The following ZDHHC14 variants were observed in gnomAD, a reference collection of about 807,000 sequenced individuals.
The protein encoded by ZDHHC14 is palmitoyltransferase ZDHHC14.
A neutral mutation model predicts 47.7 loss-of-function variants in ZDHHC14; 16 were observed. The observed-to-expected ratio is 0.34, with a 90% confidence interval of 0.23 to 0.51. ZDHHC14 has a LOEUF of 0.51. Ranked by LOEUF, ZDHHC14 falls within the 20% of genes least tolerant of loss-of-function variation. The pLI is 0.97. For missense variants in ZDHHC14, 515 were observed against 662.5 expected, an observed-to-expected ratio of 0.78 and a Z score of 2.44; for synonymous variants, 293 against 278.9, an observed-to-expected ratio of 1.05 and a Z score of -0.50.
intron 3 of ZDHHC14, among the ~76,000 whole-genome samples, chr6:157,609,401 G>C (rs1000995553): frequency 6.6e-6 from 1 of 152,208 alleles, no homozygotes; most frequent in Admixed American, 6.5e-5. Context: ...AAGCTGCTTT[G>C]TGTAGGGTGA....
chr6:157,662,418 G>C (rs1778384971), intron 8 of ZDHHC14, among the ~76,000 whole-genome samples: 1 of 152,220 alleles, frequency 6.6e-6, no homozygotes, highest in Admixed American at 6.5e-5. Context: ...CTGACCTCAA[G>C]TAATCCGCTC....
intron 1 of ZDHHC14, chr6:157,529,013 C>G (rs901738621): frequency 6.5e-6 from 1 of 154,138 alleles, no homozygotes; most frequent in Admixed American, 6.5e-5. Flanking sequence ...AGGTTTCTCC[C>G]AATGAGTTCA....
intron 1 of ZDHHC14, among the ~76,000 whole-genome samples, chr6:157,493,320 G>A (rs576876389): frequency 1.1e-4 from 17 of 152,346 alleles, no homozygotes; most frequent in East Asian, 3.9e-4. Flanking sequence ...ACCAGCCACC[G>A]CAAGGGCGAG....
At chr6:157,625,674 C>A (rs1293621638) in intron 3 of ZDHHC14, among the ~76,000 whole-genome samples, 1 of 151,882 alleles carries the variant, frequency 6.6e-6, no homozygotes, top group African/African-American at 2.4e-5. Context: ...TGCTTTCTGA[C>A]TCCCCGGAGG....
At chr6:157,482,032 T>G (rs933893702) in intron 1 of ZDHHC14, among the ~76,000 whole-genome samples, 1 of 152,176 alleles carries the variant, frequency 6.6e-6, no homozygotes, top group Non-Finnish European at 1.5e-5. Flanking sequence ...AACTTTTTTT[T>G]TCATAACTTG....
At chr6:157,454,367 A>C (rs1344920573) in intron 1 of ZDHHC14, among the ~76,000 whole-genome samples, 1 of 152,190 alleles carries the variant, frequency 6.6e-6, no homozygotes, top group Non-Finnish European at 1.5e-5. Context: ...TTATCTCTCT[A>C]CTTTATGTTA....
At chr6:157,651,224 G>A (rs1016735055) in intron 7 of ZDHHC14, among the ~76,000 whole-genome samples, 19 of 152,228 alleles carry the variant, frequency 1.2e-4, no homozygotes, top group African/African-American at 4.3e-4. Context: ...TACCCGCCCC[G>A]AGGCTGGGGA....
At chr6:157,643,658 T>C (rs1368554227) in intron 5 of ZDHHC14, among the ~76,000 whole-genome samples, 1 of 124,236 alleles carries the variant, frequency 8.0e-6, no homozygotes, top group African/African-American at 2.9e-5. Flanking sequence ...CAAATATATA[T>C]ATATATATAT....
In ZDHHC14 at chr6:157,455,003, T is replaced by C. The variant is rs1029017411; in HGVS notation, c.245+72737T>C. Among the ~76,000 whole-genome samples the C allele has an allele frequency of 2.0e-4, 30 of 152,222 alleles. 1 individual carries two copies. Among genetic ancestry groups the C allele is most frequent in the Admixed American group, 1.7e-3 (26 of 15,284 alleles). ...CTGAAAACAGGCCTCAGTTTCAGTG[T>C]CACCATTTTAACACTCTCATTTATC... On this transcript the variant is annotated intron_variant, in intron 1 of 8. Transcript: ENST00000359775.
At chr6:157,604,446 C>T (rs1349517917) in intron 3 of ZDHHC14, among the ~76,000 whole-genome samples, 4 of 152,072 alleles carry the variant, frequency 2.6e-5, no homozygotes, top group Non-Finnish European at 4.4e-5. Context: ...CCCTTGGATA[C>T]GGAGGGATGA....
At chr6:157,491,088 CA>C (rs1306018780) in intron 1 of ZDHHC14, among the ~76,000 whole-genome samples, 60 of 152,196 alleles carry the variant, frequency 3.9e-4, no homozygotes, top group African/African-American at 1.4e-3. Flanking sequence ...TCCCGCACTG[CA>C]CCTCATCCTC....
chr6:157,414,821 CTTTTTT>C (rs71027333), intron 1 of ZDHHC14, among the ~76,000 whole-genome samples: 7 of 111,980 alleles, frequency 6.3e-5, no homozygotes, highest in African/African-American at 2.4e-4. Context: ...AGGTTTGCAG[CTTTTTT>C]TTTTTTTTTT....
At chr6:157,490,134 C>T (rs570474584) in intron 1 of ZDHHC14, among the ~76,000 whole-genome samples, 1 of 151,930 alleles carries the variant, frequency 6.6e-6, no homozygotes, top group African/African-American at 2.4e-5. Flanking sequence ...TGCCATTTAC[C>T]GGAATGGGGA....
intron 4 of ZDHHC14, chr6:157,629,526 G>C (rs1417528932): frequency 1.3e-5 from 2 of 152,144 alleles, no homozygotes; most frequent in Admixed American, 6.5e-5. Flanking sequence ...GGGTTCGTAT[G>C]GGGGTGGGGA....
rs574758673 is a variant in ZDHHC14 at position 157,394,172 on chromosome 6, C to T, written c.245+11906C>T. Among the ~76,000 whole-genome samples, 19 of 152,320 alleles carry T rather than the reference C, an allele frequency of 1.2e-4. No individual in the cohort carries two copies. In the South Asian group the frequency reaches 1.4e-3, roughly 12 times the overall value. ...ACTTCCACCCTTCCCGCCTACCCAC[C>T]GCCATCAGGCTGTACGCCTCCTTTC... On this transcript the variant is annotated intron_variant, in intron 1 of 8. Transcript: ENST00000359775.
Position 157,550,017 on chromosome 6 carries a change from G to A in ZDHHC14, c.406+7272G>A, listed in dbSNP as rs568851009. Among the ~76,000 whole-genome samples the A allele has an allele frequency of 2.0e-5, 3 of 152,344 alleles. No homozygotes were observed. In the South Asian group the frequency reaches 6.2e-4, roughly 32 times the overall value. ...GTCTTGTAGCTCCTGTCTCCTGGTG[G>A]ACGTCCTTCACAGAATTGTCTTCTT... On this transcript the variant is annotated intron_variant, in intron 2 of 8. Coordinates refer to ENST00000359775, the MANE Select transcript of ZDHHC14 (RefSeq NM_024630.3).
chr6:157,467,903 G>A (rs931133571), intron 1 of ZDHHC14, among the ~76,000 whole-genome samples: 14 of 151,962 alleles, frequency 9.2e-5, no homozygotes, highest in East Asian at 1.9e-4. Context: ...TACATATATC[G>A]GTCGATGGAT....
At chr6:157,625,190 C>T (rs937139982) in intron 3 of ZDHHC14, among the ~76,000 whole-genome samples, 1 of 152,084 alleles carries the variant, frequency 6.6e-6, no homozygotes, top group Non-Finnish European at 1.5e-5. Flanking sequence ...CAGACCATAG[C>T]AGATGATTTC....
chr6:157,415,147 C>T (rs762992263), intron 1 of ZDHHC14, among the ~76,000 whole-genome samples: 8 of 152,128 alleles, frequency 5.3e-5, no homozygotes, highest in East Asian at 1.9e-4. Flanking sequence ...GCTTTTCAAT[C>T]GGTACATCTT....
Sources: allele counts gnomAD v4.1 joint callset (sites outside exome capture counted in the v4.1 genomes callset), GRCh38; gene constraint gnomAD v4.1.1; transcripts MANE v1.5; gene names NCBI Gene and HGNC (gene_info 2026-07-23, HGNC 2026-07-21).